Variants in TRAPPC9 observed in about 807,000 individuals in gnomAD.
TRAPPC9 encodes trafficking protein particle complex subunit 9.
TRAPPC9 carries 83 observed loss-of-function variants against 124.0 expected under a neutral mutation model. The observed-to-expected ratio is 0.67, with a 90% CI of 0.56 to 0.80. The LOEUF (loss-of-function observed/expected upper bound fraction) is 0.80, where lower values mean the gene tolerates loss of function less well. TRAPPC9 is among the 30% of genes least tolerant of loss of function. The probability of loss-of-function intolerance (pLI) is 0.00; values close to 1 mark genes in which losing one functional copy is unlikely to be tolerated. For missense variants in TRAPPC9, 1,302 were observed against 1,508.3 expected (o/e 0.86, Z 2.27); for synonymous variants, 638 against 617.5 (o/e 1.03, Z -0.49).
chr8:140,414,426 T>G (rs1288582363), intron 5 of TRAPPC9, among the ~76,000 whole-genome samples: 1 of 152,044 alleles, frequency 6.6e-6, no homozygotes, highest in Non-Finnish European at 1.5e-5. Flanking sequence ...CCCAGCTACT[T>G]TAGAGGCTGA....
chr8:139,977,596 C>T (rs189084685), intron 19 of TRAPPC9, among the ~76,000 whole-genome samples: 1,615 of 135,900 alleles, frequency 0.012, 36 homozygotes, highest in African/African-American at 0.043. Flanking sequence ...CCAGCCTGGG[C>T]GACAGAGTGA....
chr8:139,821,388 G>C (rs1487305277), intron 21 of TRAPPC9, among the ~76,000 whole-genome samples: 1 of 152,244 alleles, frequency 6.6e-6, no homozygotes, highest in Non-Finnish European at 1.5e-5. Flanking sequence ...GGATGCTGCA[G>C]CCTGGTACTT....
intron 21 of TRAPPC9, among the ~76,000 whole-genome samples, chr8:139,777,344 G>C (rs1821461205): frequency 6.6e-6 from 1 of 152,210 alleles, no homozygotes; most frequent in African/African-American, 2.4e-5. Flanking sequence ...TTACCCATGA[G>C]AGTTGTTAAA....
At chr8:139,762,174 A>G (rs1820280532) in intron 21 of TRAPPC9, among the ~76,000 whole-genome samples, 1 of 151,818 alleles carries the variant, frequency 6.6e-6, no homozygotes, top group Non-Finnish European at 1.5e-5. Flanking sequence ...AGCAGCCTGC[A>G]TTTGGGCTGA....
intron 18 of TRAPPC9, among the ~76,000 whole-genome samples, chr8:140,000,058 A>G (rs567544223): frequency 3.6e-4 from 55 of 152,194 alleles, no homozygotes; most frequent in Non-Finnish European, 6.9e-4. Flanking sequence ...AACAGAACAG[A>G]GGCCTCAGAA....
At chr8:140,173,537 G>A (rs1415296347) in intron 17 of TRAPPC9, among the ~76,000 whole-genome samples, 1 of 134,436 alleles carries the variant, frequency 7.4e-6, no homozygotes, top group Non-Finnish European at 1.5e-5. Flanking sequence ...CTGGGCGACA[G>A]AGCAAGACTC....
chr8:140,407,094 C>T (rs73713123), intron 5 of TRAPPC9, among the ~76,000 whole-genome samples: 91 of 152,256 alleles, frequency 6.0e-4, no homozygotes, highest in African/African-American at 2.0e-3. Flanking sequence ...AACATCCACA[C>T]GTGTCATCAT....
At chr8:139,917,746 A>C (rs1357271925) in intron 19 of TRAPPC9, among the ~76,000 whole-genome samples, 1 of 152,230 alleles carries the variant, frequency 6.6e-6, no homozygotes, top group Non-Finnish European at 1.5e-5. Flanking sequence ...GGCAAATGGG[A>C]GACGGAGAAG....
intron 17 of TRAPPC9, among the ~76,000 whole-genome samples, chr8:140,154,579 C>T (rs2061598837): frequency 6.6e-6 from 1 of 152,190 alleles, no homozygotes; most frequent in Admixed American, 6.5e-5. Flanking sequence ...GCCACCTCTG[C>T]TTTGAGCATT....
chr8:140,090,955 A>G (rs988152280), intron 17 of TRAPPC9, among the ~76,000 whole-genome samples: 1 of 152,234 alleles, frequency 6.6e-6, no homozygotes, highest in East Asian at 1.9e-4. Context: ...CAGAGACTCG[A>G]GCGCTCCCAG....
chr8:140,003,021 AAT>A (rs1838505233), intron 18 of TRAPPC9, among the ~76,000 whole-genome samples: 1 of 152,062 alleles, frequency 6.6e-6, no homozygotes, highest in Non-Finnish European at 1.5e-5. Flanking sequence ...GATTTATTAA[AAT>A]TAAAAATATC....
chr8:140,434,374 G>A (rs1212520526), intron 4 of TRAPPC9, among the ~76,000 whole-genome samples: 1 of 152,150 alleles, frequency 6.6e-6, no homozygotes, highest in Non-Finnish European at 1.5e-5. Context: ...TACCCAAGAA[G>A]TTTTCTCACT....
At chr8:140,437,451 C>T (rs556004319) in intron 3 of TRAPPC9, among the ~76,000 whole-genome samples, 6 of 152,182 alleles carry the variant, frequency 3.9e-5, no homozygotes, top group African/African-American at 1.2e-4. Context: ...CGCAAAACCC[C>T]GTCTCTACTA....
chr8:140,344,088 T>C (rs897695552), intron 9 of TRAPPC9, among the ~76,000 whole-genome samples: 2 of 152,092 alleles, frequency 1.3e-5, no homozygotes, highest in Non-Finnish European at 2.9e-5. Flanking sequence ...GACAGGGCCT[T>C]TGTGGGGGCG....
rs1433968008 is a variant in TRAPPC9 at position 140,391,680 on chromosome 8, C to G, written c.1134+5940G>C. 2.8e-5 allele frequency among the ~76,000 whole-genome samples: 4 copies of G among 140,474 alleles called. No homozygotes were observed. In the Admixed American group the frequency reaches 3.1e-4, roughly 11 times the overall value. The allele number at this position is 140,474 out of a possible 152,430, so 92.2% of individuals were successfully genotyped here. A position where few individuals can be genotyped will look rare whatever the true frequency, so the allele number is the denominator to read the frequency against. On this transcript the variant is annotated intron_variant, in intron 7 of 22. Coordinates refer to ENST00000438773, the MANE Select transcript of TRAPPC9 (RefSeq NM_001160372.4). ...TGAGCCGAGATCGTGCCATTGCACT[C>G]TAGCCTGGGCAACAACAGCGAAACT...
At chr8:140,029,242 T>C (rs548238369) in intron 17 of TRAPPC9, among the ~76,000 whole-genome samples, 41 of 152,352 alleles carry the variant, frequency 2.7e-4, no homozygotes, top group Non-Finnish European at 5.4e-4. Context: ...TTGCGGCTCA[T>C]GCCTGTAGTC....
chr8:140,098,641 G>A (rs2060504759), intron 17 of TRAPPC9: 1 of 151,704 alleles, frequency 6.6e-6, no homozygotes, highest in African/African-American at 2.4e-5. Flanking sequence ...AGGTCTCAGT[G>A]CATGGCTTCA....
At chr8:140,287,756 C>T (rs755393881) in intron 12 of TRAPPC9, 22 bp from the exon 13 acceptor site, 6 of 1,613,924 alleles carry the variant, frequency 3.7e-6, no homozygotes, top group Non-Finnish European at 5.1e-6. Context: ...GACGCAGCAT[C>T]GTAAGCCCGG....
intron 9 of TRAPPC9, among the ~76,000 whole-genome samples, chr8:140,335,057 T>A (rs2066998605): frequency 6.6e-6 from 1 of 152,084 alleles, no homozygotes; most frequent in Non-Finnish European, 1.5e-5. Flanking sequence ...ATGGTTTGAC[T>A]CAAATCGTGA....
Sources: gnomAD v4.1 joint callset for allele counts (sites outside exome capture counted in the v4.1 genomes callset) on GRCh38, gnomAD v4.1.1 for gene constraint, MANE v1.5 for transcripts, NCBI Gene and HGNC (gene_info 2026-07-23, HGNC 2026-07-21) for gene names.